CNTNAP2: variants seen among roughly 807,000 people sequenced by gnomAD.
CNTNAP2 encodes contactin-associated protein-like 2.
A neutral mutation model predicts 155.2 loss-of-function variants in CNTNAP2; 98 were observed. The observed-to-expected ratio is 0.63, with a 90% CI of 0.54 to 0.75. CNTNAP2 has a LOEUF of 0.75. Among genes scored for constraint, CNTNAP2 ranks in the 30% least tolerant of loss-of-function variants. The probability of loss-of-function intolerance (pLI) is 0.00; values close to 1 mark genes in which losing one functional copy is unlikely to be tolerated. For missense variants in CNTNAP2, 1,727 were observed against 1,688.1 expected (o/e 1.02, Z -0.40); for synonymous variants, 651 against 631.2 (o/e 1.03, Z -0.47).
At chr7:148,063,488 T>C (rs1803196942) in intron 15 of CNTNAP2, among the ~76,000 whole-genome samples, 1 of 151,924 alleles carries the variant, frequency 6.6e-6, no homozygotes. Context: ...TGTTTTTTAT[T>C]TTGGATAGTT....
At chr7:147,304,142 C>T (rs976583564) in intron 9 of CNTNAP2, among the ~76,000 whole-genome samples, 3 of 152,122 alleles carry the variant, frequency 2.0e-5, no homozygotes, top group Non-Finnish European at 2.9e-5. Flanking sequence ...CCTGCTAATG[C>T]CGGCAAAGTC....
chr7:147,265,987 T>C (rs576807579), intron 8 of CNTNAP2, among the ~76,000 whole-genome samples: 3 of 152,102 alleles, frequency 2.0e-5, no homozygotes, highest in Non-Finnish European at 4.4e-5. Flanking sequence ...CATCCAAAGG[T>C]CAGCAACCTC....
At chr7:146,775,633 T>C (rs887537860) in intron 2 of CNTNAP2, among the ~76,000 whole-genome samples, 2 of 133,700 alleles carry the variant, frequency 1.5e-5, no homozygotes, top group Admixed American at 7.5e-5. Context: ...GAAACAAAGA[T>C]GAAAAAAGAA....
chr7:148,078,846 A>C (rs557339650), intron 15 of CNTNAP2, among the ~76,000 whole-genome samples: 2 of 152,378 alleles, frequency 1.3e-5, no homozygotes, highest in East Asian at 3.9e-4. Flanking sequence ...ATTTTTAAAA[A>C]TAATAAATAC....
chr7:148,033,380 T>A (rs1252275634), intron 15 of CNTNAP2, among the ~76,000 whole-genome samples: 1 of 150,430 alleles, frequency 6.6e-6, no homozygotes, highest in Admixed American at 6.6e-5. Flanking sequence ...AAAAATGGGA[T>A]ACATGTTCAG....
chr7:147,720,060 T>G (rs1796541276), intron 13 of CNTNAP2, among the ~76,000 whole-genome samples: 1 of 152,142 alleles, frequency 6.6e-6, no homozygotes. Flanking sequence ...TTTCTGTTTT[T>G]TTCTTATACT....
In CNTNAP2 at chr7:147,241,239, T is replaced by C. The variant is rs150846381; in HGVS notation, c.1349-58902T>C. Reference sequence around the variant, plus strand: ...AAGGACAAACACAATTTTCACTTTGTTAGAATTCTGGGTCATTCTCCCTGA... The same window carrying C: ...AAGGACAAACACAATTTTCACTTTGCTAGAATTCTGGGTCATTCTCCCTGA... On this transcript the variant is annotated intron_variant, in intron 8 of 23. Coordinates refer to ENST00000361727, the MANE Select transcript of CNTNAP2 (RefSeq NM_014141.6). Among the ~76,000 whole-genome samples, 312 of 152,330 alleles carry C rather than the reference T, an allele frequency of 2.0e-3. 3 individuals are homozygous for C. Among genetic ancestry groups the C allele is most frequent in the African/African-American group, 7.1e-3 (297 of 41,568 alleles).
At chr7:148,336,594 T>C (rs914755488) in intron 21 of CNTNAP2, among the ~76,000 whole-genome samples, 4 of 148,696 alleles carry the variant, frequency 2.7e-5, no homozygotes, top group African/African-American at 9.8e-5. Context: ...CCAGAACAAG[T>C]AGTCATTTTA....
At chr7:147,301,047 G>A (rs369232783) in intron 9 of CNTNAP2, among the ~76,000 whole-genome samples, 1 of 152,090 alleles carries the variant, frequency 6.6e-6, no homozygotes, top group Non-Finnish European at 1.5e-5. Flanking sequence ...TGGGAAGTGA[G>A]TCACTAAATC....
chr7:147,553,918 C>T (rs1799900150), intron 11 of CNTNAP2, among the ~76,000 whole-genome samples: 1 of 152,078 alleles, frequency 6.6e-6, no homozygotes, highest in South Asian at 2.1e-4. Context: ...GCCGAGATCG[C>T]GTCATTGCAC....
chr7:147,397,513 G>T (rs1430754510), intron 10 of CNTNAP2, among the ~76,000 whole-genome samples: 1 of 151,736 alleles, frequency 6.6e-6, no homozygotes, highest in Non-Finnish European at 1.5e-5. Context: ...GTAATATGTT[G>T]CTGTTTCTCT....
chr7:147,140,923 G>A (rs1384075143), intron 8 of CNTNAP2, among the ~76,000 whole-genome samples: 1 of 152,052 alleles, frequency 6.6e-6, no homozygotes, highest in Non-Finnish European at 1.5e-5. Context: ...ATAAAGGCTG[G>A]CGAGAATGAG....
At chr7:146,182,689 C>G (rs549423047) in intron 1 of CNTNAP2, among the ~76,000 whole-genome samples, 2 of 152,302 alleles carry the variant, frequency 1.3e-5, no homozygotes, top group Admixed American at 6.5e-5. Flanking sequence ...AACTTTTACC[C>G]TTTAAATTAT....
intron 9 of CNTNAP2, among the ~76,000 whole-genome samples, chr7:147,362,479 T>C (rs1337411327): frequency 6.6e-6 from 1 of 152,176 alleles, no homozygotes; most frequent in African/African-American, 2.4e-5. Flanking sequence ...CATCACATAA[T>C]GTCACTTCCA....
chr7:148,140,074 A>G (rs1331862526), intron 16 of CNTNAP2, among the ~76,000 whole-genome samples: 8 of 152,216 alleles, frequency 5.3e-5, no homozygotes, highest in Non-Finnish European at 1.2e-4. Flanking sequence ...TGGGTGAAGA[A>G]TGCACGTGAA....
At chr7:146,346,311 T>C (rs546762357) in intron 1 of CNTNAP2, among the ~76,000 whole-genome samples, 13 of 152,298 alleles carry the variant, frequency 8.5e-5, no homozygotes, top group Non-Finnish European at 1.8e-4. Flanking sequence ...AGATCGTCTG[T>C]GGCATTAGAG....
At chr7:148,096,224 A>C (rs918619979) in intron 15 of CNTNAP2, among the ~76,000 whole-genome samples, 1 of 151,564 alleles carries the variant, frequency 6.6e-6, no homozygotes, top group Non-Finnish European at 1.5e-5. Context: ...TTCCAACCTC[A>C]TCTCCTCGTT....
rs1417517957 is a variant in CNTNAP2 at position 147,227,710 on chromosome 7, T to C, written c.1349-72431T>C. ...ACATACAGCCTGCTTTTGGGTTCAGTATCAGGACTGCAAATTTAGGCATGT... is the reference window on the plus strand; with the variant it reads ...ACATACAGCCTGCTTTTGGGTTCAGCATCAGGACTGCAAATTTAGGCATGT... On this transcript the variant is annotated intron_variant, in intron 8 of 23. Transcript: ENST00000361727. Among the ~76,000 whole-genome samples, 5 of 152,170 alleles carry C rather than the reference T, an allele frequency of 3.3e-5. No individual in the cohort carries two copies. The East Asian group carries it at 9.6e-4, about 29-fold the overall frequency.
At chr7:147,309,434 A>G (rs1474663214) in intron 9 of CNTNAP2, among the ~76,000 whole-genome samples, 1 of 152,214 alleles carries the variant, frequency 6.6e-6, no homozygotes, top group Non-Finnish European at 1.5e-5. Flanking sequence ...GGCTAATATT[A>G]TATAATTGGA....
Sources: gnomAD v4.1 joint callset for allele counts (sites outside exome capture counted in the v4.1 genomes callset) on GRCh38, gnomAD v4.1.1 for gene constraint, MANE v1.5 for transcripts, NCBI Gene and HGNC (gene_info 2026-07-23, HGNC 2026-07-21) for gene names.